The following MAD1L1 variants were observed in gnomAD, a reference collection of about 807,000 sequenced individuals.
The protein encoded by MAD1L1 is mitotic spindle assembly checkpoint protein MAD1.
In MAD1L1, 95 loss-of-function variants were observed where a neutral mutation model predicts 96.9. The observed-to-expected ratio is 0.98, with a 90% CI of 0.83 to 1.16. The LOEUF is 1.16. Among genes scored for constraint, MAD1L1 ranks in the 50% most tolerant of loss-of-function variants. The pLI is 0.00. For synonymous variants in MAD1L1, 473 were observed against 396.6 expected (o/e 1.19, Z -2.29); for missense variants, 1,007 against 954.4 (o/e 1.06, Z -0.73).
chr7:2,222,836 G>C, intron 4 of MAD1L1, 82 bp from the exon 5 acceptor site: 1 of 1,168,218 alleles, frequency 8.6e-7, no homozygotes, highest in South Asian at 1.5e-5. Context: ...ACCTCTCTCA[G>C]AACATGCCGA....
chr7:1,844,878 G>C (rs1783504066), intron 18 of MAD1L1, among the ~76,000 whole-genome samples: 1 of 152,368 alleles, frequency 6.6e-6, no homozygotes, highest in South Asian at 2.1e-4. Flanking sequence ...GGACAGGAAA[G>C]CCTGCCTCGC....
intron 5 of MAD1L1, chr7:2,220,959 GGACAGTT>G (rs781669048): frequency 6.2e-7 from 1 of 1,609,332 alleles, no homozygotes; most frequent in Admixed American, 1.7e-5. Context: ...AGGGGACGCC[GGACAGTT>G]GGCAAGGAAG....
intron 10 of MAD1L1, among the ~76,000 whole-genome samples, chr7:2,200,994 G>A (rs1792263857): frequency 6.6e-6 from 1 of 152,166 alleles, no homozygotes; most frequent in Non-Finnish European, 1.5e-5. Context: ...TAGGTGGAGG[G>A]CGGGAAGGGT....
intron 12 of MAD1L1, among the ~76,000 whole-genome samples, chr7:2,019,278 G>C (rs1177867608): frequency 6.6e-6 from 1 of 152,228 alleles, no homozygotes. Context: ...GGGAGAGGCA[G>C]GAGGCCTCTC....
chr7:1,829,049 C>T (rs1180791991), intron 18 of MAD1L1, among the ~76,000 whole-genome samples: 1 of 152,092 alleles, frequency 6.6e-6, no homozygotes, highest in African/African-American at 2.4e-5. Flanking sequence ...AAAGCGCATA[C>T]AAACAAAAAG....
intron 16 of MAD1L1, among the ~76,000 whole-genome samples, chr7:1,947,582 C>A (rs889555505): frequency 3.2e-5 from 4 of 125,022 alleles, no homozygotes; most frequent in African/African-American, 9.0e-5. Context: ...ATCTCCTGCC[C>A]GTGGCCTTGC....
At chr7:2,225,011 G>C (rs777772276) in intron 4 of MAD1L1, among the ~76,000 whole-genome samples, 56 of 152,198 alleles carry the variant, frequency 3.7e-4, no homozygotes, top group Non-Finnish European at 5.4e-4. Context: ...AGGAAACCAG[G>C]AGACCCAGCA....
intron 11 of MAD1L1, among the ~76,000 whole-genome samples, chr7:2,074,959 G>GA (rs1200733153): frequency 6.6e-6 from 1 of 152,174 alleles, no homozygotes; most frequent in Non-Finnish European, 1.5e-5. Flanking sequence ...CAGTGGGCCC[G>GA]AGGTTGGGCC....
At chr7:1,881,311 C>G (rs937929513) in intron 18 of MAD1L1, among the ~76,000 whole-genome samples, 4 of 152,082 alleles carry the variant, frequency 2.6e-5, no homozygotes, top group Non-Finnish European at 5.9e-5. Flanking sequence ...TTATTTATAT[C>G]CTGGTGTTCA....
At chr7:1,920,588 T>C (rs1457670133) in intron 17 of MAD1L1, among the ~76,000 whole-genome samples, 1 of 152,090 alleles carries the variant, frequency 6.6e-6, no homozygotes, top group Non-Finnish European at 1.5e-5. Context: ...GGCTGGTCAG[T>C]GGGTACAGAC....
At chr7:2,048,852 C>G (rs889029222) in intron 12 of MAD1L1, among the ~76,000 whole-genome samples, 7 of 152,258 alleles carry the variant, frequency 4.6e-5, no homozygotes, top group Non-Finnish European at 1.0e-4. Flanking sequence ...CAGCGCCAGG[C>G]CTTCTCGAGG....
intron 15 of MAD1L1, among the ~76,000 whole-genome samples, chr7:1,973,739 T>G (rs1780507946): frequency 6.6e-6 from 1 of 152,072 alleles, no homozygotes; most frequent in Non-Finnish European, 1.5e-5. Context: ...TCCTGGGGGT[T>G]GAAGACCCCC....
At chr7:1,928,013 T>C (rs936311778) in intron 17 of MAD1L1, among the ~76,000 whole-genome samples, 1 of 152,198 alleles carries the variant, frequency 6.6e-6, no homozygotes, top group Non-Finnish European at 1.5e-5. Flanking sequence ...CTCCAGACAG[T>C]GGAGAGCCAC....
At chr7:2,009,105 C>T (rs1426776732) in intron 13 of MAD1L1, among the ~76,000 whole-genome samples, 2 of 152,226 alleles carry the variant, frequency 1.3e-5, no homozygotes, top group Non-Finnish European at 2.9e-5. Flanking sequence ...ACAGCTCTTT[C>T]CGGGTGGGAC....
chr7:1,872,918 G>A (rs73046375), intron 18 of MAD1L1, among the ~76,000 whole-genome samples: 4,675 of 152,342 alleles, frequency 0.031, 151 homozygotes, highest in Admixed American at 0.077. Context: ...GGTGGGGGGC[G>A]CGTCAGAAGG....
rs149424952 is a variant in MAD1L1, at chr7:2,088,522, C to T, written c.1074-19184G>A. ...AGCCTCGAGTGCCACCATGACAGCT[C>T]TGGAGCTGCCACTGCACGTGCACAT... On this transcript the variant is annotated intron_variant, in intron 11 of 18. Coordinates refer to ENST00000265854, the MANE Select transcript of MAD1L1 (RefSeq NM_001013836.2). This position sits in a 1 kb window ranked among gnomAD's most constrained non-coding sequence, Gnocchi z 4.4. Among the ~76,000 whole-genome samples, 146 of 152,342 alleles carry T rather than the reference C, an allele frequency of 9.6e-4. No homozygotes were observed. Among genetic ancestry groups the T allele is most frequent in the African/African-American group, 3.0e-3 (126 of 41,582 alleles).
At chr7:2,186,134 A>G (rs930709719) in intron 10 of MAD1L1, among the ~76,000 whole-genome samples, 3 of 152,224 alleles carry the variant, frequency 2.0e-5, no homozygotes, top group Non-Finnish European at 2.9e-5. Flanking sequence ...CAGAAGTATA[A>G]TTTTGGAACG....
chr7:2,033,797 A>C (rs1315772518), intron 12 of MAD1L1, among the ~76,000 whole-genome samples: 1 of 152,222 alleles, frequency 6.6e-6, no homozygotes, highest in Non-Finnish European at 1.5e-5. Flanking sequence ...ACACCCTTCC[A>C]CTCAGTAACA....
chr7:2,145,637 T>C (rs1202073997), intron 11 of MAD1L1, among the ~76,000 whole-genome samples: 1 of 152,204 alleles, frequency 6.6e-6, no homozygotes, highest in East Asian at 1.9e-4. Flanking sequence ...AGGTGATGGC[T>C]TCCGGCTCGG....
Sources: gnomAD v4.1 joint callset for allele counts (sites outside exome capture counted in the v4.1 genomes callset) on GRCh38, gnomAD v4.1.1 for gene constraint, Gnocchi (gnomAD v3.1) non-coding constraint, MANE v1.5 for transcripts, NCBI Gene and HGNC (gene_info 2026-07-23, HGNC 2026-07-21) for gene names.